Variants in SLC5A11 observed in about 807,000 individuals in gnomAD.
SLC5A11 encodes sodium/myo-inositol cotransporter 2.
Under a neutral mutation model 69.8 loss-of-function variants are expected in SLC5A11, and 48 were observed. The ratio of observed to expected loss-of-function variants is 0.69; its 90% CI spans 0.55 to 0.87. The LOEUF is 0.87. SLC5A11 is among the 40% of genes least tolerant of loss of function. The probability of loss-of-function intolerance (pLI) is 0.00; values close to 1 mark genes in which losing one functional copy is unlikely to be tolerated. For missense variants in SLC5A11, 784 were observed against 866.1 expected, an observed-to-expected ratio of 0.91 and a Z score of 1.19; for synonymous variants, 319 against 342.4, an observed-to-expected ratio of 0.93 and a Z score of 0.75.
chr16:24,906,342 C>CAAA (rs753153658), intron 10 of SLC5A11, among the ~76,000 whole-genome samples: 2 of 76,042 alleles, frequency 2.6e-5, no homozygotes, highest in South Asian at 4.4e-4. Context: ...GGCTCCGTCT[C>CAAA]AAAAAAAAAA....
In SLC5A11 at chr16:24,910,250, G is replaced by A. The variant is rs1477968027; in HGVS notation, c.1651-56G>A. The A allele has an allele frequency of 2.5e-6, 4 of 1,575,922 alleles. No homozygotes were observed. In the African/African-American group the frequency reaches 5.4e-5, roughly 21 times the overall value. On this transcript the variant is annotated intron_variant, in intron 14 of 15. Transcript: ENST00000347898. The stretch of plus-strand genomic sequence containing the variant: ...TGGGTGGGGAGTGTGAGAAAAGGAT[G>A]GACAACCCCGGCCCCACCTCCACCA...
exon 4 of SLC5A11, chr16:24,869,930 T>C (rs762569130): frequency 1.2e-5 from 19 of 1,614,020 alleles, no homozygotes; most frequent in Non-Finnish European, 1.6e-5. Context: ...CCAGCAATGT[T>C]GGAAGTGGAC....
At chr16:24,907,080 C>T in exon 12 of SLC5A11, 1 of 1,614,156 alleles carries the variant, frequency 6.2e-7, no homozygotes. Context: ...CCTCCCTCAC[C>T]TCCATCTTTA....
At chr16:24,902,066 C>T (rs1050600043) in intron 10 of SLC5A11, among the ~76,000 whole-genome samples, 2 of 151,968 alleles carry the variant, frequency 1.3e-5, no homozygotes, top group African/African-American at 4.8e-5. Context: ...GAGCTGTGTT[C>T]GAGCCACTGC....
intron 1 of SLC5A11, among the ~76,000 whole-genome samples, chr16:24,856,237 C>T (rs897408141): frequency 6.6e-5 from 10 of 152,128 alleles, no homozygotes; most frequent in Non-Finnish European, 1.5e-4. Flanking sequence ...TTTCAGAGGA[C>T]CCACCAGACA....
chr16:24,907,439 G>A (rs547084225), intron 12 of SLC5A11, among the ~76,000 whole-genome samples: 16 of 152,264 alleles, frequency 1.1e-4, no homozygotes, highest in Middle Eastern at 3.4e-3. Context: ...CCAGCTGGGC[G>A]AGGTGGCTCA....
exon 15 of SLC5A11, chr16:24,910,384 C>T: frequency 1.2e-6 from 2 of 1,614,152 alleles, no homozygotes; most frequent in Middle Eastern, 3.3e-4. Context: ...TCCCTTGTCT[C>T]TTACCCTCTC....
intron 12 of SLC5A11, 86 bp from the exon 14 acceptor site, chr16:24,907,877 C>A: frequency 6.4e-7 from 1 of 1,558,112 alleles, no homozygotes; most frequent in Admixed American, 1.7e-5. Flanking sequence ...CAGAACAAGA[C>A]CCTGTCTATT....
intron 8 of SLC5A11, among the ~76,000 whole-genome samples, chr16:24,889,507 C>G (rs2048626311): frequency 6.6e-6 from 1 of 150,574 alleles, no homozygotes; most frequent in African/African-American, 2.4e-5. Flanking sequence ...ACAACAAAAC[C>G]TGAAACCATT....
Position 24,849,591 on chromosome 16 carries a change from A to ACATATATATAT in SLC5A11, c.-25+3153_-25+3154insCATATATATAT, listed in dbSNP as rs60683631. Among the ~76,000 whole-genome samples the ACATATATATAT allele has an allele frequency of 2.5e-3, 145 of 57,506 alleles. 5 individuals carry two copies. The highest frequency in any genetic ancestry group is 8.2e-3 in the African/African-American group (135 of 16,448). 37.7% of individuals were successfully genotyped at this position (57,506 alleles called of 152,430 possible). On this transcript the variant is annotated intron_variant, in intron 1 of 15. Transcript: ENST00000347898. ...TGGGGGCAAAAAAAAAAAAAAAAAA[A>ACATATATATAT]AAATATATATATATATATATATATA...
At chr16:24,864,643 T>A (rs1314922832) in intron 3 of SLC5A11, among the ~76,000 whole-genome samples, 1 of 152,000 alleles carries the variant, frequency 6.6e-6, no homozygotes, top group Non-Finnish European at 1.5e-5. Flanking sequence ...AAGCAGTCAA[T>A]AGAAAGTGTC....
chr16:24,858,069 G>A (rs2059608535), intron 1 of SLC5A11, among the ~76,000 whole-genome samples: 1 of 152,150 alleles, frequency 6.6e-6, no homozygotes, highest in Non-Finnish European at 1.5e-5. Flanking sequence ...TCTGTAAAAT[G>A]GGGATGATAA....
chr16:24,911,396 G>A (rs1360495817), exon 16 of SLC5A11: 9 of 1,614,034 alleles, frequency 5.6e-6, no homozygotes, highest in African/African-American at 1.3e-5. Flanking sequence ...ACAGGAGAAG[G>A]GCAAGGAAGA....
exon 14 of SLC5A11, chr16:24,908,981 G>A (rs370702626): frequency 1.4e-5 from 23 of 1,613,920 alleles, no homozygotes; most frequent in Non-Finnish European, 1.9e-5. Flanking sequence ...CCAGATGAGC[G>A]CCCGGTCCTG....
intron 8 of SLC5A11, among the ~76,000 whole-genome samples, chr16:24,888,100 A>G (rs1214039106): frequency 1.3e-5 from 2 of 152,206 alleles, no homozygotes; most frequent in Admixed American, 6.5e-5. Context: ...TCCAGCATTC[A>G]TGGAATCACC....
chr16:24,910,379 T>C (rs745335352), exon 15 of SLC5A11: 1 of 1,614,106 alleles, frequency 6.2e-7, no homozygotes, highest in South Asian at 1.1e-5. Context: ...GCAGCTCCCT[T>C]GTCTCTTACC....
intron 10 of SLC5A11, among the ~76,000 whole-genome samples, chr16:24,901,974 A>ATG (rs1567685370): frequency 1.3e-5 from 2 of 149,040 alleles, no homozygotes; most frequent in East Asian, 2.0e-4. Flanking sequence ...ACACACACAC[A>ATG]CACACACATA....
At chr16:24,873,371 C>A (rs983669117) in intron 5 of SLC5A11, among the ~76,000 whole-genome samples, 1 of 151,934 alleles carries the variant, frequency 6.6e-6, no homozygotes, top group African/African-American at 2.4e-5. Flanking sequence ...TGGCTCAGGG[C>A]CATAATCTCA....
Position 24,862,596 on chromosome 16 carries a change from T to C in SLC5A11, c.136-5T>C. ...CCTCACCCACCTCTCTTCTTTTTTT[T>C]TCAGTCCACAGTGAAGACCAAAAGA... On this transcript the variant is annotated splice_region_variant and splice_polypyrimidine_tract_variant and intron_variant, in intron 2 of 15. Transcript: ENST00000347898. 1.2e-6 allele frequency: 2 copies of C among 1,610,602 alleles called. No individual in the cohort carries two copies. Among genetic ancestry groups the C allele is most frequent in the Non-Finnish European group, 1.7e-6 (2 of 1,177,726 alleles).
Sources: allele counts gnomAD v4.1 joint callset (sites outside exome capture counted in the v4.1 genomes callset), GRCh38; gene constraint gnomAD v4.1.1; transcripts MANE v1.5; gene names NCBI Gene and HGNC (gene_info 2026-07-23, HGNC 2026-07-21).